Variants in CATSPERE observed in about 807,000 individuals in gnomAD.
CATSPERE encodes catsper channel auxiliary subunit epsilon, also known as cation channel sperm-associated auxiliary subunit epsilon.
Under a neutral mutation model 114.1 loss-of-function variants are expected in CATSPERE, and 93 were observed. The ratio of observed to expected loss-of-function variants is 0.81; its 90% CI spans 0.69 to 0.97. CATSPERE has a LOEUF of 0.97. Among genes scored for constraint, CATSPERE ranks in the 50% least tolerant of loss-of-function variants. The probability of loss-of-function intolerance (pLI) is 0.00; values close to 1 mark genes in which losing one functional copy is unlikely to be tolerated. For synonymous variants in CATSPERE, 341 were observed against 384.1 expected (o/e 0.89, Z 1.31); for missense variants, 1,058 against 1,131.6 (o/e 0.93, Z 0.93).
chr1:244,607,084 C>T lies in CATSPERE; in HGVS notation c.2403+1290C>T, dbSNP rs943082199. 6.6e-6 allele frequency among the ~76,000 whole-genome samples: 1 copy of T among 152,158 alleles called. No individual in the cohort carries two copies. Among genetic ancestry groups the T allele is most frequent in the African/African-American group, 2.4e-5 (1 of 41,438 alleles). ...TCACTCTCTTCCTTCTCAAACCTTT[C>T]CATTATGCCTCAAGGTTAAACGCTC... On this transcript the variant is annotated intron_variant, in intron 18 of 21. Coordinates refer to ENST00000366534, the MANE Select transcript of CATSPERE (RefSeq NM_001130957.2). The surrounding 1 kb of genome is among the most constrained non-coding windows in gnomAD (Gnocchi z 4.4).
chr1:244,530,899 A>G (rs1373916725), intron 8 of CATSPERE, among the ~76,000 whole-genome samples: 1 of 152,080 alleles, frequency 6.6e-6, no homozygotes. Flanking sequence ...ATCAGTTCTA[A>G]TAGTTTTTTG....
intron 9 of CATSPERE, among the ~76,000 whole-genome samples, chr1:244,553,464 T>C (rs977689055): frequency 2.0e-5 from 3 of 150,584 alleles, no homozygotes; most frequent in South Asian, 4.2e-4. Flanking sequence ...GGTGGGTGTC[T>C]CAGCTACTCG....
chr1:244,617,476 C>G, intron 19 of CATSPERE, 53 bp from the exon 20 acceptor site: 2 of 1,311,750 alleles, frequency 1.5e-6, no homozygotes, highest in Admixed American at 6.6e-5. Context: ...TATAATTTTG[C>G]GTATCAAAGT....
rs1396933753 is a variant in CATSPERE at position 244,617,471 on chromosome 1, T to C, written c.2491-58T>C. 2.3e-6 allele frequency: 3 copies of C among 1,299,928 alleles called. No individual in the cohort carries two copies. The African/African-American group carries it at 4.6e-5, about 20-fold the overall frequency. The allele number at this position is 1,299,928 out of a possible 1,614,324, so 80.5% of individuals were successfully genotyped here. ...TTTTCCAAGATAAATGAGACTATAA[T>C]TTTGCGTATCAAAGTCATAAAATGA... On this transcript the variant is annotated intron_variant, in intron 19 of 21. Transcript: ENST00000366534.
intron 19 of CATSPERE, among the ~76,000 whole-genome samples, chr1:244,614,234 T>C (rs576964021): frequency 4.6e-5 from 7 of 152,334 alleles, no homozygotes; most frequent in African/African-American, 1.7e-4. Flanking sequence ...CAAGCTGTGT[T>C]CCTAGAGCTT....
intron 2 of CATSPERE, among the ~76,000 whole-genome samples, chr1:244,465,743 G>A (rs1377153430): frequency 1.3e-5 from 2 of 152,198 alleles, no homozygotes; most frequent in Admixed American, 1.3e-4. Context: ...AAGGCTGTTA[G>A]TTTTCACAAG....
chr1:244,474,695 A>T (rs1669003398), intron 2 of CATSPERE, among the ~76,000 whole-genome samples: 1 of 150,306 alleles, frequency 6.7e-6, no homozygotes, highest in African/African-American at 2.4e-5. Flanking sequence ...CTTAGTCTTA[A>T]ATCACTTAAT....
intron 5 of CATSPERE, among the ~76,000 whole-genome samples, chr1:244,484,458 G>A (rs1165879850): frequency 6.6e-6 from 1 of 152,174 alleles, no homozygotes; most frequent in Non-Finnish European, 1.5e-5. Flanking sequence ...TTACTGGTGG[G>A]AATGCAAAGT....
At chr1:244,458,693 T>C (rs1292064855), upstream of CATSPERE, among the ~76,000 whole-genome samples, 2 of 152,250 alleles carry the variant, frequency 1.3e-5, no homozygotes, top group Non-Finnish European at 2.9e-5. Flanking sequence ...GCATATTTGT[T>C]CCTCTCTACC....
At chr1:244,606,653 G>C (rs2148680504) in intron 18 of CATSPERE, among the ~76,000 whole-genome samples, 1 of 146,448 alleles carries the variant, frequency 6.8e-6, no homozygotes, top group African/African-American at 2.5e-5. Context: ...CCAGGCTGGA[G>C]TGCAGTGGTG....
chr1:244,566,652 CT>C (rs59466928), intron 10 of CATSPERE, among the ~76,000 whole-genome samples: 4 of 49,108 alleles, frequency 8.1e-5, no homozygotes, highest in Admixed American at 1.9e-4. Context: ...GCAACCCCTG[CT>C]TTTTTTTTTT....
intron 7 of CATSPERE, among the ~76,000 whole-genome samples, chr1:244,513,354 T>C (rs1270385308): frequency 1.3e-5 from 2 of 151,912 alleles, no homozygotes; most frequent in Non-Finnish European, 2.9e-5. Context: ...GCAGGACAGG[T>C]CTATTCTCAG....
At chr1:244,546,064 A>T (rs1659705966) in intron 8 of CATSPERE, among the ~76,000 whole-genome samples, 1 of 152,212 alleles carries the variant, frequency 6.6e-6, no homozygotes, top group South Asian at 2.1e-4. Context: ...GCTAAGGGGA[A>T]TTGACCCAAT....
intron 12 of CATSPERE, 69 bp from the exon 13 acceptor site, chr1:244,583,795 T>C (rs1666600751): frequency 6.9e-7 from 1 of 1,448,340 alleles, no homozygotes; most frequent in African/African-American, 1.4e-5. Flanking sequence ...TTGCACTTGC[T>C]CTACAGAAAG....
chr1:244,603,578 G>A (rs1669564916), intron 17 of CATSPERE, among the ~76,000 whole-genome samples: 1 of 151,772 alleles, frequency 6.6e-6, no homozygotes, highest in Non-Finnish European at 1.5e-5. Flanking sequence ...CAGAAATTAT[G>A]GGTCATGTAA....
chr1:244,594,628 T>C (rs1006767303), intron 17 of CATSPERE, among the ~76,000 whole-genome samples: 2 of 152,234 alleles, frequency 1.3e-5, no homozygotes, highest in Non-Finnish European at 2.9e-5. Context: ...AAAATTCCTA[T>C]GTCTAAAACA....
At chr1:244,542,194 C>A (rs1572660128) in intron 8 of CATSPERE, among the ~76,000 whole-genome samples, 1 of 151,838 alleles carries the variant, frequency 6.6e-6, no homozygotes, top group East Asian at 1.9e-4. Flanking sequence ...CCAACCAAGC[C>A]CTGGTGCTTT....
intron 8 of CATSPERE, among the ~76,000 whole-genome samples, chr1:244,552,101 A>G (rs925845439): frequency 7.1e-6 from 1 of 141,464 alleles, no homozygotes; most frequent in Non-Finnish European, 1.5e-5. Context: ...TCTTTACTTG[A>G]GAATACAGAG....
At chr1:244,590,419 C>T (rs1360949664) in intron 14 of CATSPERE, among the ~76,000 whole-genome samples, 2 of 152,030 alleles carry the variant, frequency 1.3e-5, no homozygotes, top group Non-Finnish European at 1.5e-5. Context: ...ACCATGGCAG[C>T]TTTTTAAAAA....
Sources: allele counts gnomAD v4.1 joint callset (sites outside exome capture counted in the v4.1 genomes callset), GRCh38; gene constraint gnomAD v4.1.1; non-coding constraint Gnocchi (gnomAD v3.1); transcripts MANE v1.5; gene names NCBI Gene and HGNC (gene_info 2026-07-23, HGNC 2026-07-21).